Variants in ANXA8 observed in about 807,000 individuals in gnomAD.
ANXA8 encodes annexin A8, also known as VAC-beta.
Under a neutral mutation model 26.8 loss-of-function variants are expected in ANXA8, and 9 were observed. The observed-to-expected ratio is 0.34, with a 90% CI of 0.20 to 0.59. The LOEUF (loss-of-function observed/expected upper bound fraction) is 0.59. Among genes scored for constraint, ANXA8 ranks in the 20% least tolerant of loss-of-function variants. ANXA8 has a pLI of 0.84. For missense variants in ANXA8, 83 were observed against 238.5 expected, an observed-to-expected ratio of 0.35 and a Z score of 4.29; for synonymous variants, 39 against 94.8, an observed-to-expected ratio of 0.41 and a Z score of 3.42.
the ANXA8 span, chr10:47,599,882 C>G: frequency 6.6e-6 from 1 of 150,376 alleles, no homozygotes; most frequent in East Asian, 1.9e-4. Context: ...GTGAGGGAGA[C>G]CTGGGAGCTT....
At chr10:47,553,190 T>G in the ANXA8 span, 1 of 151,874 alleles carries the variant, frequency 6.6e-6, no homozygotes, top group African/African-American at 2.4e-5. Context: ...CAATTTGGGG[T>G]CAACAGATTC....
the ANXA8 span, among the ~76,000 whole-genome samples, chr10:47,770,367 A>ACCT: frequency 3.4e-5 from 3 of 89,432 alleles, no homozygotes; most frequent in Non-Finnish European, 6.6e-5. Flanking sequence ...TGCTTTAGCC[A>ACCT]AGGCGGTGAG....
the ANXA8 span, among the ~76,000 whole-genome samples, chr10:47,667,069 A>G: frequency 6.6e-6 from 1 of 152,008 alleles, no homozygotes; most frequent in Non-Finnish European, 1.5e-5. Context: ...TCCAGAGCAC[A>G]GTGCTCCAAC....
At chr10:47,951,248 A>G in the ANXA8 span, among the ~76,000 whole-genome samples, 1 of 150,608 alleles carries the variant, frequency 6.6e-6, no homozygotes, top group Non-Finnish European at 1.5e-5. Flanking sequence ...AAGAAAAAAT[A>G]GATAATCTGA....
At chr10:47,720,354 G>A in the ANXA8 span, among the ~76,000 whole-genome samples, 1 of 145,106 alleles carries the variant, frequency 6.9e-6, no homozygotes, top group Non-Finnish European at 1.5e-5. Flanking sequence ...AAATCTAAAT[G>A]CTCATAAATA....
chr10:47,647,471 G>A, the ANXA8 span, among the ~76,000 whole-genome samples: 1 of 150,044 alleles, frequency 6.7e-6, no homozygotes, highest in African/African-American at 2.5e-5. Flanking sequence ...CATATTCCGA[G>A]ATTAAAAAAT....
chr10:47,658,589 C>T, the ANXA8 span, among the ~76,000 whole-genome samples: 3 of 140,000 alleles, frequency 2.1e-5, no homozygotes, highest in South Asian at 6.4e-4. Flanking sequence ...ACAACAACTC[C>T]CTGAGCAAAG....
the ANXA8 span, among the ~76,000 whole-genome samples, chr10:47,918,358 A>AGG: frequency 7.2e-5 from 1 of 13,856 alleles, no homozygotes; most frequent in Non-Finnish European, 1.3e-4. Flanking sequence ...GGAGGGAGGG[A>AGG]GAGAGAGAGA....
chr10:47,940,383 G>A, the ANXA8 span, among the ~76,000 whole-genome samples: 5 of 146,826 alleles, frequency 3.4e-5, no homozygotes, highest in Admixed American at 2.0e-4. Context: ...GGACCAGGGA[G>A]GTGCTAGGCC....
the ANXA8 span, among the ~76,000 whole-genome samples, chr10:47,664,604 T>C: frequency 6.6e-6 from 1 of 150,924 alleles, no homozygotes; most frequent in East Asian, 1.9e-4. Flanking sequence ...TTCTCAGTAA[T>C]TTTTGCAATT....
At chr10:47,560,908 T>C in the ANXA8 span, among the ~76,000 whole-genome samples, 1 of 151,798 alleles carries the variant, frequency 6.6e-6, no homozygotes, top group South Asian at 2.1e-4. Context: ...ACTCCTGGGC[T>C]CAAGCGATTC....
chr10:47,703,369 A>T, the ANXA8 span, among the ~76,000 whole-genome samples: 1 of 151,622 alleles, frequency 6.6e-6, no homozygotes, highest in African/African-American at 2.4e-5. Flanking sequence ...GGAGTTCGAG[A>T]CCAGCCTGGG....
the ANXA8 span, among the ~76,000 whole-genome samples, chr10:47,947,479 C>T: frequency 2.2e-4 from 32 of 148,280 alleles, no homozygotes; most frequent in Non-Finnish European, 4.0e-4. Flanking sequence ...GTTGATATGG[C>T]TTGGCTCTAT....
At chr10:47,559,883 T>C in the ANXA8 span, among the ~76,000 whole-genome samples, 1 of 151,896 alleles carries the variant, frequency 6.6e-6, no homozygotes, top group Admixed American at 6.6e-5. Flanking sequence ...ACTGAACCTT[T>C]ATTGGTTCAT....
At chr10:47,546,251 A>T in the ANXA8 span, among the ~76,000 whole-genome samples, 1 of 139,038 alleles carries the variant, frequency 7.2e-6, no homozygotes, top group South Asian at 2.3e-4. Flanking sequence ...GGAAGTATAC[A>T]ATGGAAACCT....
chr10:47,939,345 C>T, the ANXA8 span, among the ~76,000 whole-genome samples: 1 of 141,338 alleles, frequency 7.1e-6, no homozygotes, highest in South Asian at 2.2e-4. Flanking sequence ...ATGGTCTTGC[C>T]ATGCGATTTG....
At chr10:47,726,792 T>A in the ANXA8 span, 1 of 1,076,916 alleles carries the variant, frequency 9.3e-7, no homozygotes, top group Non-Finnish European at 1.4e-6. Flanking sequence ...AAGCATTTCT[T>A]TTATTTGAAA....
At chr10:47,954,195 G>C in the ANXA8 span, among the ~76,000 whole-genome samples, 1 of 150,560 alleles carries the variant, frequency 6.6e-6, no homozygotes, top group Non-Finnish European at 1.5e-5. Flanking sequence ...ATATACGATG[G>C]AGTACGATTC....
the ANXA8 span, among the ~76,000 whole-genome samples, chr10:47,607,863 A>G: frequency 9.7e-6 from 1 of 103,156 alleles, no homozygotes; most frequent in Non-Finnish European, 1.8e-5. Flanking sequence ...CAAATTAATA[A>G]ACATTTAAAA....
Sources: gnomAD v4.1 joint callset for allele counts (sites outside exome capture counted in the v4.1 genomes callset) on GRCh38, gnomAD v4.1.1 for gene constraint, MANE v1.5 for transcripts, NCBI Gene and HGNC (gene_info 2026-07-23, HGNC 2026-07-21) for gene names.